The following WWOX variants were observed in gnomAD, a reference collection of about 807,000 sequenced individuals.
WWOX encodes WW domain containing oxidoreductase.
A neutral mutation model predicts 46.2 loss-of-function variants in WWOX; 69 were observed. The observed-to-expected ratio is 1.49, with a 90% CI of 1.23 to 1.82. The LOEUF (loss-of-function observed/expected upper bound fraction) is 1.82. Ranked by LOEUF, WWOX falls within the 40% of genes most tolerant of loss-of-function variation. The pLI is 0.00. For synonymous variants in WWOX, 359 were observed against 202.6 expected (o/e 1.77, Z -6.56); for missense variants, 919 against 542.6 (o/e 1.69, Z -6.89).
intron 7 of WWOX, among the ~76,000 whole-genome samples, chr16:78,432,120 G>A (rs530711900): frequency 1.5e-5 from 2 of 133,018 alleles, no homozygotes; most frequent in South Asian, 4.7e-4. Context: ...TCCTCAGATT[G>A]CTTTTTTTTT....
chr16:78,767,731 T>C (rs141094519), intron 8 of WWOX, among the ~76,000 whole-genome samples: 244 of 152,212 alleles, frequency 1.6e-3, no homozygotes, highest in African/African-American at 5.5e-3. Context: ...CCAATACTTA[T>C]TTTACTTAAA....
chr16:78,728,055 C>CTTCCTTTTT lies in WWOX; in HGVS notation c.1056+295305_1056+295306insCCTTTTTTT, dbSNP rs1555524549. 8.1e-5 allele frequency among the ~76,000 whole-genome samples: 7 copies of CTTCCTTTTT among 86,806 alleles called. 1 individual carries two copies. Among genetic ancestry groups the CTTCCTTTTT allele is most frequent in the Non-Finnish European group, 1.3e-4 (6 of 47,034 alleles). 56.9% of individuals were successfully genotyped at this position (86,806 alleles called of 152,430 possible). On this transcript the variant is annotated intron_variant, in intron 8 of 8. Coordinates refer to ENST00000566780, the MANE Select transcript of WWOX (RefSeq NM_016373.4). Reference sequence around the variant, plus strand: ...TTCCTCTTTCCTCTCTCCCTCCTTCCTTTTTTTTTTTTTTTTTTTTTTTTT... The same window carrying CTTCCTTTTT: ...TTCCTCTTTCCTCTCTCCCTCCTTCCTTCCTTTTTTTTTTTTTTTTTTTTTTTTTTTTTT...
chr16:78,646,676 A>C (rs1375791853), intron 8 of WWOX, among the ~76,000 whole-genome samples: 1 of 152,166 alleles, frequency 6.6e-6, no homozygotes, highest in South Asian at 2.1e-4. Context: ...GATCCGCCCT[A>C]CTGGGCCTCC....
chr16:79,162,576 A>T (rs1311044799), intron 8 of WWOX, among the ~76,000 whole-genome samples: 1 of 152,180 alleles, frequency 6.6e-6, no homozygotes, highest in Non-Finnish European at 1.5e-5. Flanking sequence ...CTTGGGGCGG[A>T]GACCTTAGGG....
In WWOX at chr16:78,201,166, G is replaced by A. The variant is rs753391744; in HGVS notation, c.516+36877G>A. 1.8e-4 allele frequency among the ~76,000 whole-genome samples: 28 copies of A among 152,218 alleles called. 1 individual carries two copies. Among genetic ancestry groups the A allele is most frequent in the Non-Finnish European group, 8.8e-5 (6 of 68,042 alleles). ...AAGGTGTTAAAATGTACTCATTAAT[G>A]TGGCAGTGTATTCCTTTTCTTCTGT... On this transcript the variant is annotated intron_variant, in intron 5 of 8. Coordinates refer to ENST00000566780, the MANE Select transcript of WWOX (RefSeq NM_016373.4).
intron 8 of WWOX, among the ~76,000 whole-genome samples, chr16:79,136,233 TC>T (rs767953728): frequency 6.7e-6 from 1 of 150,216 alleles, no homozygotes; most frequent in Non-Finnish European, 1.5e-5. Context: ...TGTCACTTCT[TC>T]TTTTTTTTTT....
chr16:78,263,736 A>G (rs2079297684), intron 5 of WWOX, among the ~76,000 whole-genome samples: 1 of 152,202 alleles, frequency 6.6e-6, no homozygotes, highest in Admixed American at 6.5e-5. Flanking sequence ...TGCCTGAGCC[A>G]GAACTTCCCA....
chr16:78,843,307 C>G (rs1464044101), intron 8 of WWOX, among the ~76,000 whole-genome samples: 1 of 150,154 alleles, frequency 6.7e-6, no homozygotes, highest in Non-Finnish European at 1.5e-5. Context: ...AAAATTCTTA[C>G]TTTTTGGGCT....
At chr16:78,772,152 C>A (rs1001994842) in intron 8 of WWOX, among the ~76,000 whole-genome samples, 1 of 152,122 alleles carries the variant, frequency 6.6e-6, no homozygotes. Flanking sequence ...GGTAATAAGC[C>A]TTGTATCCAA....
At chr16:78,452,475 C>CTTTTTTTTTTT (rs397945707) in intron 8 of WWOX, among the ~76,000 whole-genome samples, 17 of 126,054 alleles carry the variant, frequency 1.3e-4, no homozygotes, top group African/African-American at 3.7e-4. Context: ...CTCTCTCTCT[C>CTTTTTTTTTTT]TTTTTTTTTT....
intron 5 of WWOX, among the ~76,000 whole-genome samples, chr16:78,199,565 C>T (rs1210679781): frequency 1.6e-4 from 24 of 152,156 alleles, no homozygotes; most frequent in Non-Finnish European, 1.5e-5. Flanking sequence ...CTTTTTTATG[C>T]TCTACCAGAT....
At chr16:78,528,098 G>A (rs553004763) in intron 8 of WWOX, among the ~76,000 whole-genome samples, 29 of 140,426 alleles carry the variant, frequency 2.1e-4, no homozygotes, top group East Asian at 4.2e-4. Context: ...TCCTGGGTTC[G>A]TGCCATTCTC....
intron 5 of WWOX, among the ~76,000 whole-genome samples, chr16:78,333,913 C>T (rs963857542): frequency 1.3e-5 from 2 of 150,648 alleles, no homozygotes; most frequent in Non-Finnish European, 2.9e-5. Flanking sequence ...GGTATCATCT[C>T]CTCCCCCTCT....
At chr16:78,694,682 A>C (rs2048062649) in intron 8 of WWOX, among the ~76,000 whole-genome samples, 1 of 152,228 alleles carries the variant, frequency 6.6e-6, no homozygotes, top group Non-Finnish European at 1.5e-5. Flanking sequence ...CTAGACCATG[A>C]AAAGACAGAA....
rs368262917 is a variant in WWOX at position 78,370,539 on chromosome 16, CTTCTG to C, written c.517-16311_517-16307del. ...TTATGTCATTTTAAATGTTTCTATT[CTTCTG>C]TTCTGTTCTTAAAGTATGCCTGTAA... On this transcript the variant is annotated intron_variant, in intron 5 of 8. Coordinates refer to ENST00000566780, the MANE Select transcript of WWOX (RefSeq NM_016373.4). Among the ~76,000 whole-genome samples the C allele has an allele frequency of 8.8e-3, 1,338 of 151,572 alleles. 10 individuals carry two copies. Among genetic ancestry groups the C allele is most frequent in the Non-Finnish European group, 0.014 (979 of 67,888 alleles).
At chr16:78,639,254 G>T (rs981805638) in intron 8 of WWOX, among the ~76,000 whole-genome samples, 2 of 152,180 alleles carry the variant, frequency 1.3e-5, no homozygotes, top group South Asian at 2.1e-4. Context: ...GACACATGCA[G>T]TGTGGGCCCA....
At chr16:78,638,065 G>A (rs992645562) in intron 8 of WWOX, among the ~76,000 whole-genome samples, 4 of 152,092 alleles carry the variant, frequency 2.6e-5, no homozygotes, top group African/African-American at 2.4e-5. Flanking sequence ...TGGGTTCTCC[G>A]TACCGCTTTC....
chr16:78,164,063 C>A, intron 4 of WWOX, 120 bp from the exon 5 acceptor site: 1 of 939,958 alleles, frequency 1.1e-6, no homozygotes, highest in East Asian at 2.6e-5. Context: ...CCCTGGGGAT[C>A]AAAATCACCC....
intron 5 of WWOX, among the ~76,000 whole-genome samples, chr16:78,231,235 ACT>A (rs2037251996): frequency 2.0e-5 from 3 of 151,874 alleles, no homozygotes; most frequent in African/African-American, 7.3e-5. Flanking sequence ...CCTTTTGCAA[ACT>A]CTTTTATGGA....
Sources: allele counts gnomAD v4.1 joint callset (sites outside exome capture counted in the v4.1 genomes callset), GRCh38; gene constraint gnomAD v4.1.1; transcripts MANE v1.5; gene names NCBI Gene and HGNC (gene_info 2026-07-23, HGNC 2026-07-21).